UBE2W: variants seen among roughly 807,000 people sequenced by gnomAD.
UBE2W encodes the protein ubiquitin-conjugating enzyme E2 W.
UBE2W carries 18 observed loss-of-function variants against 27.2 expected under a neutral mutation model. That is an observed-to-expected ratio of 0.66 (90% CI 0.46 to 0.98). UBE2W has a LOEUF of 0.98. Among genes scored for constraint, UBE2W ranks in the 50% least tolerant of loss-of-function variants. UBE2W has a pLI of 0.00. For synonymous variants in UBE2W, 53 were observed against 57.2 expected (o/e 0.93, Z 0.33); for missense variants, 90 against 180.2 (o/e 0.50, Z 2.87).
At chr8:73,868,719 A>C (rs913225785) in intron 1 of UBE2W, among the ~76,000 whole-genome samples, 94 of 151,800 alleles carry the variant, frequency 6.2e-4, no homozygotes, top group African/African-American at 1.7e-3. Context: ...AAAAAAAAAA[A>C]CCCACATATC....
At chr8:73,839,501 C>CA (rs1288998185) in intron 1 of UBE2W, among the ~76,000 whole-genome samples, 5 of 151,616 alleles carry the variant, frequency 3.3e-5, no homozygotes, top group African/African-American at 1.2e-4. Flanking sequence ...AACAAAATTA[C>CA]AAAAAATCAG....
At chr8:73,834,672 G>A (rs1810231007) in intron 1 of UBE2W, among the ~76,000 whole-genome samples, 2 of 152,134 alleles carry the variant, frequency 1.3e-5, no homozygotes, top group African/African-American at 4.8e-5. Context: ...ACTTTGGGAG[G>A]TCAAGGAGCA....
intron 1 of UBE2W, chr8:73,831,276 AT>A: frequency 4.0e-6 from 1 of 252,396 alleles, no homozygotes. Flanking sequence ...TGAAGAAAAT[AT>A]TTTGTTTTGG....
chr8:73,869,757 C>T (rs1035982348), intron 1 of UBE2W, among the ~76,000 whole-genome samples: 11 of 151,706 alleles, frequency 7.3e-5, no homozygotes, highest in African/African-American at 2.4e-4. Flanking sequence ...CCAGCTATTA[C>T]GGAGGCTGAG....
rs1203213892 is a variant in UBE2W, at chr8:73,793,115, A to T, written c.*987T>A. On this transcript the variant is annotated 3_prime_UTR_variant, in exon 6 of 6. Transcript: ENST00000602593. ...ATTCAAACTTGACTTATAACAAAAG[A>T]AACAAGATTGCAAACAAAAATGTTT... 1.1e-5 allele frequency: 11 copies of T among 985,882 alleles called. No individual in the cohort carries two copies. The highest frequency in any genetic ancestry group is 1.3e-5 in the Non-Finnish European group (11 of 829,906). The allele number at this position is 985,882 out of a possible 1,614,324, so 61.1% of individuals were successfully genotyped here.
intron 5 of UBE2W, among the ~76,000 whole-genome samples, 181 bp from the exon 6 acceptor site, chr8:73,794,296 T>C (rs1352363216): frequency 6.6e-6 from 1 of 152,340 alleles, no homozygotes. Flanking sequence ...CAGTGACAAA[T>C]TTTTATTCTT....
Position 73,789,180 on chromosome 8 carries a change from C to T in UBE2W, c.*4922G>A, listed in dbSNP as rs1050514505. ...TGATGTACATAAACCTGTCTTAAAT[C>T]GGCAAACAGACGAGGCATGGTGGCT... On this transcript the variant is annotated 3_prime_UTR_variant, in exon 6 of 6. Coordinates refer to ENST00000602593, the MANE Select transcript of UBE2W (RefSeq NM_018299.6). 26 of 984,754 alleles carry T rather than the reference C, an allele frequency of 2.6e-5. No individual in the cohort carries two copies. The South Asian group carries it at 5.2e-4, about 20-fold the overall frequency. 61.0% of individuals were successfully genotyped at this position (984,754 alleles called of 1,614,324 possible).
At chr8:73,864,550 A>G (rs1811663923) in intron 1 of UBE2W, among the ~76,000 whole-genome samples, 1 of 152,090 alleles carries the variant, frequency 6.6e-6, no homozygotes, top group Non-Finnish European at 1.5e-5. Flanking sequence ...TCAACCAATC[A>G]AAAGTAACTT....
intron 3 of UBE2W, among the ~76,000 whole-genome samples, chr8:73,821,750 C>T (rs1460849695): frequency 6.6e-6 from 1 of 152,126 alleles, no homozygotes. Context: ...GTAATCCCAG[C>T]ACTTTGGGAG....
chr8:73,809,001 T>G (rs1179886561), intron 4 of UBE2W, among the ~76,000 whole-genome samples: 1 of 152,224 alleles, frequency 6.6e-6, no homozygotes, highest in East Asian at 1.9e-4. Flanking sequence ...ATTAATCTCT[T>G]AATAACTTTC....
chr8:73,826,727 A>C (rs1168763746), intron 2 of UBE2W, among the ~76,000 whole-genome samples: 1 of 152,204 alleles, frequency 6.6e-6, no homozygotes, highest in African/African-American at 2.4e-5. Flanking sequence ...AGTTATAGTT[A>C]ATCTTAACTC....
intron 4 of UBE2W, among the ~76,000 whole-genome samples, chr8:73,809,974 A>G (rs1342084097): frequency 1.3e-5 from 2 of 152,106 alleles, no homozygotes; most frequent in Non-Finnish European, 2.9e-5. Flanking sequence ...AAAGGAGAAC[A>G]GGAAGAAACG....
chr8:73,860,173 G>A (rs1205351266), intron 1 of UBE2W, among the ~76,000 whole-genome samples: 4 of 152,088 alleles, frequency 2.6e-5, no homozygotes, highest in Non-Finnish European at 5.9e-5. Context: ...TACTCTCATT[G>A]AAGCATTATC....
At chr8:73,830,690 G>A (rs948616086) in intron 1 of UBE2W, among the ~76,000 whole-genome samples, 9 of 151,644 alleles carry the variant, frequency 5.9e-5, no homozygotes, top group African/African-American at 2.2e-4. Context: ...TCACTTTGTT[G>A]CTCAGGCTGG....
chr8:73,861,401 C>A (rs1811528727), intron 1 of UBE2W, among the ~76,000 whole-genome samples: 2 of 152,124 alleles, frequency 1.3e-5, no homozygotes, highest in African/African-American at 4.8e-5. Flanking sequence ...ACAAGAATAT[C>A]ATTCCAAGTA....
rs73340409 is a variant in UBE2W at position 73,852,338 on chromosome 8, C to T, written c.16-21866G>A. Among the ~76,000 whole-genome samples, 480 of 152,186 alleles carry T rather than the reference C, an allele frequency of 3.2e-3. 2 individuals are homozygous for T. Among genetic ancestry groups the T allele is most frequent in the African/African-American group, 9.8e-3 (406 of 41,524 alleles). On this transcript the variant is annotated intron_variant, in intron 1 of 5. Coordinates refer to ENST00000602593, the MANE Select transcript of UBE2W (RefSeq NM_018299.6). ...CTCCAAGAGGCAAAGAGTTTACTAC[C>T]CTAGAATCAAATTTTAATTTCTCAA... is the stretch of plus-strand genomic sequence containing the variant.
chr8:73,827,226 T>A (rs1809879075), intron 2 of UBE2W, among the ~76,000 whole-genome samples: 2 of 152,148 alleles, frequency 1.3e-5, no homozygotes, highest in South Asian at 4.1e-4. Flanking sequence ...CTTTCTTTTT[T>A]TTTTGGTACA....
At chr8:73,824,820 G>A (rs796885031) in intron 3 of UBE2W, among the ~76,000 whole-genome samples, 17 of 152,312 alleles carry the variant, frequency 1.1e-4, no homozygotes, top group African/African-American at 9.6e-5. Context: ...TGTGTGGCCC[G>A]ACTCCTAACA....
chr8:73,787,359 C>T lies in UBE2W; in HGVS notation c.*6743G>A. 2.0e-6 allele frequency: 2 copies of T among 985,324 alleles called. No homozygotes were observed. Among genetic ancestry groups the T allele is most frequent in the Non-Finnish European group, 1.2e-6 (1 of 829,886 alleles). The allele number at this position is 985,324 out of a possible 1,614,324, so 61.0% of individuals were successfully genotyped here. A position where few individuals can be genotyped will look rare whatever the true frequency, so the allele number is the denominator to read the frequency against. On this transcript the variant is annotated 3_prime_UTR_variant, in exon 6 of 6. Coordinates refer to ENST00000602593, the MANE Select transcript of UBE2W (RefSeq NM_018299.6). ...GAGGACATAAACAGAGTCACTTATC[C>T]AGGGTAGCTTAAACTAATGGAGAAA...
Sources: allele counts gnomAD v4.1 joint callset (sites outside exome capture counted in the v4.1 genomes callset), GRCh38; gene constraint gnomAD v4.1.1; transcripts MANE v1.5; gene names NCBI Gene and HGNC (gene_info 2026-07-23, HGNC 2026-07-21).